The following EPB41 variants were observed in gnomAD, a reference collection of about 807,000 sequenced individuals.
EPB41 encodes the protein erythrocyte membrane protein band 4.1, also known as protein 4.1.
In EPB41, 65 loss-of-function variants were observed where a neutral mutation model predicts 108.0. The ratio of observed to expected loss-of-function variants is 0.60; its 90% CI spans 0.49 to 0.74. The LOEUF is 0.74. EPB41 is among the 30% of genes least tolerant of loss of function. The pLI, the probability that EPB41 is intolerant of heterozygous loss-of-function variation, is 0.00. For synonymous variants in EPB41, 336 were observed against 358.9 expected (o/e 0.94, Z 0.72); for missense variants, 875 against 1,037.0 (o/e 0.84, Z 2.15).
chr1:29,026,257 T>A (rs1347789919), intron 7 of EPB41, among the ~76,000 whole-genome samples: 1 of 152,210 alleles, frequency 6.6e-6, no homozygotes, highest in Non-Finnish European at 1.5e-5. Flanking sequence ...GAGCCAGGTT[T>A]CTCACTGTCA....
intron 5 of EPB41, among the ~76,000 whole-genome samples, chr1:29,013,282 G>A (rs2096531847): frequency 6.7e-6 from 1 of 150,154 alleles, no homozygotes; most frequent in African/African-American, 2.4e-5. Flanking sequence ...CCGAGATCGC[G>A]CCACTGCACT....
At chr1:28,934,870 G>A (rs1167088307) in intron 1 of EPB41, among the ~76,000 whole-genome samples, 3 of 151,806 alleles carry the variant, frequency 2.0e-5, no homozygotes, top group Admixed American at 1.3e-4. Flanking sequence ...TGACTCAAAC[G>A]CCTGTACTCC....
At chr1:29,062,262 T>C (rs1391814895) in intron 15 of EPB41, among the ~76,000 whole-genome samples, 2 of 152,212 alleles carry the variant, frequency 1.3e-5, no homozygotes, top group Non-Finnish European at 2.9e-5. Flanking sequence ...ATTCTAAACA[T>C]GCATATTTCC....
intron 4 of EPB41, among the ~76,000 whole-genome samples, chr1:29,007,137 G>A (rs888731259): frequency 5.9e-5 from 9 of 151,776 alleles, no homozygotes; most frequent in Admixed American, 6.6e-5. Flanking sequence ...CTGTTGTCAG[G>A]CTGGAGTGCA....
intron 1 of EPB41, among the ~76,000 whole-genome samples, chr1:28,925,233 G>A (rs2093376674): frequency 6.6e-6 from 1 of 152,092 alleles, no homozygotes; most frequent in African/African-American, 2.4e-5. Context: ...AAAATGCTGG[G>A]ATTACAGGCG....
intron 1 of EPB41, among the ~76,000 whole-genome samples, chr1:28,908,434 A>T (rs1045669879): frequency 4.0e-5 from 6 of 149,162 alleles, no homozygotes; most frequent in African/African-American, 1.5e-4. Context: ...TATTATTATT[A>T]TTATTATTTT....
chr1:28,951,906 G>T (rs2094740847), intron 1 of EPB41, among the ~76,000 whole-genome samples: 1 of 152,042 alleles, frequency 6.6e-6, no homozygotes, highest in African/African-American at 2.4e-5. Flanking sequence ...TAAAAATCAG[G>T]AGATCACTAT....
intron 1 of EPB41, among the ~76,000 whole-genome samples, chr1:28,930,748 G>C (rs924785336): frequency 1.3e-5 from 2 of 152,188 alleles, no homozygotes; most frequent in African/African-American, 4.8e-5. Flanking sequence ...GCCTCCCAAA[G>C]TGCTGAGATT....
chr1:29,003,223 G>C (rs1455025401), intron 4 of EPB41, among the ~76,000 whole-genome samples: 1 of 152,168 alleles, frequency 6.6e-6, no homozygotes, highest in Non-Finnish European at 1.5e-5. Context: ...AGTAAATCAT[G>C]GTCATCTAAG....
chr1:28,922,073 G>A lies in EPB41; in HGVS notation c.-8+7305G>A, dbSNP rs1242492062. ...CAACCTCTGCCTCCCAGGTTGAAGCGATTCTCCTGCCTCAGCCTCCCAAGT... is the reference window on the plus strand; with the variant it reads ...CAACCTCTGCCTCCCAGGTTGAAGCAATTCTCCTGCCTCAGCCTCCCAAGT... On this transcript the variant is annotated intron_variant, in intron 1 of 20. Coordinates refer to ENST00000343067, the MANE Select transcript of EPB41 (RefSeq NM_001376013.1). 8.7e-5 allele frequency among the ~76,000 whole-genome samples: 13 copies of A among 148,964 alleles called. No homozygotes were observed. The East Asian group carries it at 2.2e-3, about 25-fold the overall frequency.
intron 1 of EPB41, among the ~76,000 whole-genome samples, chr1:28,962,341 G>A (rs184066718): frequency 1.3e-5 from 2 of 152,268 alleles, no homozygotes; most frequent in East Asian, 3.9e-4. Flanking sequence ...GATTATTACA[G>A]ACGTGAGCCA....
At chr1:28,930,255 C>T (rs1208504305) in intron 1 of EPB41, among the ~76,000 whole-genome samples, 4 of 142,964 alleles carry the variant, frequency 2.8e-5, no homozygotes, top group Non-Finnish European at 6.0e-5. Flanking sequence ...CTCCTGGGCT[C>T]AAGTGATCCT....
At chr1:29,067,455 C>T (rs1317175738) in intron 16 of EPB41, among the ~76,000 whole-genome samples, 1 of 143,346 alleles carries the variant, frequency 7.0e-6, no homozygotes, top group African/African-American at 2.6e-5. Flanking sequence ...GAGATCGCGC[C>T]ACTGCCCTTC....
At chr1:28,911,082 T>G, upstream of EPB41, 2 of 985,342 alleles carry the variant, frequency 2.0e-6, no homozygotes, top group Non-Finnish European at 2.4e-6. Context: ...TGCAGAAGTC[T>G]GAGAGGGCAG....
At chr1:29,001,087 C>T (rs527715147) in intron 4 of EPB41, among the ~76,000 whole-genome samples, 1 of 152,212 alleles carries the variant, frequency 6.6e-6, no homozygotes, top group African/African-American at 2.4e-5. Context: ...CCTGTAATCC[C>T]AGCACTTTGG....
intron 1 of EPB41, among the ~76,000 whole-genome samples, chr1:28,890,241 T>C (rs564294442): frequency 6.6e-6 from 1 of 152,200 alleles, no homozygotes; most frequent in South Asian, 2.1e-4. Flanking sequence ...TTTTGCCATG[T>C]TGGCCAGGGT....
intron 1 of EPB41, among the ~76,000 whole-genome samples, chr1:28,959,408 G>A (rs1182530076): frequency 2.0e-5 from 3 of 151,794 alleles, no homozygotes; most frequent in African/African-American, 7.3e-5. Context: ...GTAGAGATGG[G>A]TTTTCGCCAT....
intron 16 of EPB41, among the ~76,000 whole-genome samples, chr1:29,095,982 A>C (rs917915417): frequency 6.6e-6 from 1 of 152,218 alleles, no homozygotes; most frequent in Non-Finnish European, 1.5e-5. Context: ...TAAGCTGCTG[A>C]TAATGTGTAG....
rs79494613 is a variant in EPB41, at chr1:29,013,323, C to CA, written c.829+1430dup. Among the ~76,000 whole-genome samples, 671 of 120,096 alleles carry CA rather than the reference C, an allele frequency of 5.6e-3. 2 individuals carry two copies. The highest frequency in any genetic ancestry group is 0.013 in the African/African-American group (448 of 34,120). The allele number at this position is 120,096 out of a possible 152,430, so 78.8% of individuals were successfully genotyped here. A position where few individuals can be genotyped will look rare whatever the true frequency, so the allele number is the denominator to read the frequency against. ...CTGGCGACAGAGCAAGACTCCATCT[C>CA]AAAAAAAAAAAAAATTACAGAATGA... On this transcript the variant is annotated intron_variant, in intron 5 of 20. Transcript: ENST00000343067.
Sources: allele counts gnomAD v4.1 joint callset (sites outside exome capture counted in the v4.1 genomes callset), GRCh38; gene constraint gnomAD v4.1.1; transcripts MANE v1.5; gene names NCBI Gene and HGNC (gene_info 2026-07-23, HGNC 2026-07-21).